The following DTNB variants were observed in gnomAD, a reference collection of about 807,000 sequenced individuals.
DTNB encodes the protein DTN-B.
A neutral mutation model predicts 90.7 loss-of-function variants in DTNB; 63 were observed. The observed-to-expected ratio is 0.69, with a 90% CI of 0.57 to 0.86. The LOEUF (loss-of-function observed/expected upper bound fraction) is 0.86. DTNB is among the 40% of genes least tolerant of loss of function. The probability of loss-of-function intolerance (pLI) is 0.00; values close to 1 mark genes in which losing one functional copy is unlikely to be tolerated. For synonymous variants in DTNB, 277 were observed against 286.7 expected, an observed-to-expected ratio of 0.97 and a Z score of 0.34; for missense variants, 744 against 807.1, an observed-to-expected ratio of 0.92 and a Z score of 0.95.
At chr2:25,476,138 G>A (rs984699576) in intron 10 of DTNB, among the ~76,000 whole-genome samples, 12 of 149,030 alleles carry the variant, frequency 8.1e-5, no homozygotes, top group Admixed American at 1.4e-4. Context: ...GCACAATCTC[G>A]GCTCACTGCA....
chr2:25,520,319 C>A (rs758215849), intron 9 of DTNB, among the ~76,000 whole-genome samples: 16 of 152,160 alleles, frequency 1.1e-4, no homozygotes, highest in Non-Finnish European at 2.2e-4. Flanking sequence ...TTGCAGTGAG[C>A]CGAGATTCTG....
intron 10 of DTNB, among the ~76,000 whole-genome samples, chr2:25,463,509 T>G (rs1372469409): frequency 6.6e-6 from 1 of 152,220 alleles, no homozygotes; most frequent in African/African-American, 2.4e-5. Context: ...ATGAAAATGT[T>G]CTAAAACTGA....
chr2:25,385,723 C>T (rs2039286545), intron 18 of DTNB, among the ~76,000 whole-genome samples: 1 of 152,232 alleles, frequency 6.6e-6, no homozygotes, highest in Non-Finnish European at 1.5e-5. Flanking sequence ...TTCCAAATTA[C>T]ACTACATAAT....
chr2:25,655,271 C>G (rs977962110), intron 1 of DTNB, among the ~76,000 whole-genome samples: 5 of 152,188 alleles, frequency 3.3e-5, no homozygotes, highest in Non-Finnish European at 5.9e-5. Context: ...GCGGTCTCCC[C>G]TGACTAAAAA....
At chr2:25,475,457 A>C (rs1574923135) in intron 10 of DTNB, among the ~76,000 whole-genome samples, 1 of 152,276 alleles carries the variant, frequency 6.6e-6, no homozygotes, top group African/African-American at 2.4e-5. Context: ...AGGTTGGTTC[A>C]TGAGGTTTAA....
chr2:25,567,943 G>A (rs1180260306), intron 8 of DTNB, among the ~76,000 whole-genome samples: 7 of 152,192 alleles, frequency 4.6e-5, no homozygotes, highest in Non-Finnish European at 1.5e-5. Context: ...GGCAGATCAT[G>A]AGGTCAAGAG....
chr2:25,620,897 G>A (rs758827316), intron 4 of DTNB, among the ~76,000 whole-genome samples: 12 of 152,124 alleles, frequency 7.9e-5, no homozygotes, highest in South Asian at 4.1e-4. Context: ...ATGATGGCAC[G>A]CACCCAACAG....
chr2:25,531,196 C>A (rs2078104683), intron 9 of DTNB, among the ~76,000 whole-genome samples: 1 of 152,172 alleles, frequency 6.6e-6, no homozygotes, highest in Non-Finnish European at 1.5e-5. Context: ...AAAAGGCAGC[C>A]CAGCTAAAAC....
intron 12 of DTNB, among the ~76,000 whole-genome samples, chr2:25,448,281 A>G (rs118013712): frequency 0.01 from 1,524 of 152,340 alleles, 51 homozygotes; most frequent in East Asian, 0.094. Context: ...ATAGTATCCA[A>G]TCTGGCACAG....
At chr2:25,396,731 T>TAAAAAAAAAAAAAAAAAAAAAAA (rs35592591) in intron 16 of DTNB, among the ~76,000 whole-genome samples, 1 of 87,630 alleles carries the variant, frequency 1.1e-5, no homozygotes, top group Non-Finnish European at 2.2e-5. Flanking sequence ...TAAAAGGAAC[T>TAAAAAAAAAAAAAAAAAAAAAAA]AAAAAAAAAA....
At chr2:25,587,521 G>A (rs1025247907) in intron 6 of DTNB, among the ~76,000 whole-genome samples, 2 of 152,168 alleles carry the variant, frequency 1.3e-5, no homozygotes, top group African/African-American at 4.8e-5. Flanking sequence ...GAATGACCTG[G>A]ACCGACAGCC....
intron 13 of DTNB, among the ~76,000 whole-genome samples, chr2:25,433,607 G>C (rs766710114): frequency 6.6e-6 from 1 of 151,828 alleles, no homozygotes; most frequent in Non-Finnish European, 1.5e-5. Context: ...GCAAAATGTT[G>C]CTGGGAAGCA....
intron 1 of DTNB, among the ~76,000 whole-genome samples, chr2:25,659,090 TA>T (rs991932736): frequency 1.0e-4 from 15 of 148,170 alleles, no homozygotes; most frequent in African/African-American, 1.2e-4. Flanking sequence ...TGCATGCAAT[TA>T]AAAAAAAAAT....
At chr2:25,434,989 T>C (rs778844857) in intron 12 of DTNB, among the ~76,000 whole-genome samples, 8 of 152,196 alleles carry the variant, frequency 5.3e-5, no homozygotes, top group Non-Finnish European at 1.2e-4. Context: ...TTTCCTACCA[T>C]AAAATCCACT....
At chr2:25,544,126 G>A (rs1418533764) in intron 8 of DTNB, among the ~76,000 whole-genome samples, 1 of 152,182 alleles carries the variant, frequency 6.6e-6, no homozygotes, top group Non-Finnish European at 1.5e-5. Context: ...CGTGGGGGAT[G>A]TGGAGTACCA....
chr2:25,580,841 AAAAC>A lies in DTNB; in HGVS notation c.604-19_604-16del. 1 of 1,598,850 alleles carries A rather than the reference AAAAC, an allele frequency of 6.3e-7. No individual in the cohort carries two copies. Among genetic ancestry groups the A allele is most frequent in the Non-Finnish European group, 8.5e-7 (1 of 1,172,460 alleles). ...ATTATCTTTCTCTGTAAAGAGAAGAAAAACAAACATACTTTAAGTTTTTTAGGAA... is the reference window on the plus strand; with the variant it reads ...ATTATCTTTCTCTGTAAAGAGAAGAAAAACATACTTTAAGTTTTTTAGGAA... On this transcript the variant is annotated splice_polypyrimidine_tract_variant and intron_variant, in intron 6 of 20. Transcript: ENST00000406818.
chr2:25,471,186 T>C (rs2062739882), intron 10 of DTNB, among the ~76,000 whole-genome samples: 1 of 152,154 alleles, frequency 6.6e-6, no homozygotes. Flanking sequence ...CATGCCAGGC[T>C]CTATAGGTTC....
intron 4 of DTNB, among the ~76,000 whole-genome samples, chr2:25,611,019 C>T (rs2068488682): frequency 6.6e-6 from 1 of 152,160 alleles, no homozygotes; most frequent in African/African-American, 2.4e-5. Flanking sequence ...CCAGTAACAT[C>T]TATCCTGACT....
At chr2:25,552,772 T>A (rs2056534655) in intron 8 of DTNB, among the ~76,000 whole-genome samples, 1 of 151,934 alleles carries the variant, frequency 6.6e-6, no homozygotes, top group Admixed American at 6.6e-5. Context: ...ACTTTGAAAT[T>A]CCCATTTCTT....
Sources: allele counts gnomAD v4.1 joint callset (sites outside exome capture counted in the v4.1 genomes callset), GRCh38; gene constraint gnomAD v4.1.1; transcripts MANE v1.5; gene names NCBI Gene and HGNC (gene_info 2026-07-23, HGNC 2026-07-21).